Variants in ELF5 observed in about 807,000 individuals in gnomAD.
The protein encoded by ELF5 is ETS-related transcription factor Elf-5.
ELF5 carries 31 observed loss-of-function variants against 38.2 expected under a neutral mutation model. That is an observed-to-expected ratio of 0.81 (90% CI 0.61 to 1.10). ELF5 has a LOEUF of 1.10. ELF5 is among the 50% of genes least tolerant of loss of function. ELF5 has a pLI of 0.00. For missense variants in ELF5, 300 were observed against 306.6 expected (o/e 0.98, Z 0.16); for synonymous variants, 121 against 112.5 (o/e 1.08, Z -0.48).
At chr11:34,498,952 G>A (rs937945874) in intron 2 of ELF5, among the ~76,000 whole-genome samples, 8 of 152,204 alleles carry the variant, frequency 5.3e-5, no homozygotes, top group African/African-American at 7.2e-5. Context: ...ATTAGCGGGC[G>A]TGGTGGTGCA....
intron 2 of ELF5, among the ~76,000 whole-genome samples, chr11:34,496,217 C>A (rs1172613726): frequency 6.6e-6 from 1 of 152,256 alleles, no homozygotes; most frequent in African/African-American, 2.4e-5. Flanking sequence ...TGGCTCCCTG[C>A]TCCTCGGCGC....
At chr11:34,510,638 G>T (rs1393244868) in intron 1 of ELF5, among the ~76,000 whole-genome samples, 4 of 152,158 alleles carry the variant, frequency 2.6e-5, no homozygotes, top group Non-Finnish European at 5.9e-5. Context: ...CTCAAGGGGG[G>T]TGATATTGCC....
intron 1 of ELF5, among the ~76,000 whole-genome samples, chr11:34,507,642 C>T (rs1850641820): frequency 6.6e-6 from 1 of 152,218 alleles, no homozygotes; most frequent in South Asian, 2.1e-4. Flanking sequence ...TTCCCACATG[C>T]CACTCTCTAC....
intron 2 of ELF5, among the ~76,000 whole-genome samples, chr11:34,500,102 C>T (rs16930094): frequency 0.12 from 17,520 of 152,204 alleles, 1,091 homozygotes; most frequent in East Asian, 0.27. Context: ...CTCAGGGAAA[C>T]GGGGCCTTCC....
At chr11:34,482,585 T>C (rs1382162482) in intron 4 of ELF5, 86 bp from the exon 5 acceptor site, 10 of 1,064,710 alleles carry the variant, frequency 9.4e-6, no homozygotes, top group Admixed American at 5.4e-5. Context: ...CAAATACTAA[T>C]TGAATGCCTT....
At chr11:34,504,418 CGT>C (rs2133898822) in intron 2 of ELF5, among the ~76,000 whole-genome samples, 1 of 152,028 alleles carries the variant, frequency 6.6e-6, no homozygotes, top group East Asian at 1.9e-4. Context: ...TGTGTGCACG[CGT>C]GTGTGTATGT....
At chr11:34,482,766 C>A (rs1159192596) in intron 4 of ELF5, among the ~76,000 whole-genome samples, 1 of 152,030 alleles carries the variant, frequency 6.6e-6, no homozygotes, top group African/African-American at 2.4e-5. Context: ...TCCTAGGAGG[C>A]CATGGTAAGG....
At chr11:34,485,425 T>C (rs1849964057) in intron 4 of ELF5, among the ~76,000 whole-genome samples, 1 of 152,246 alleles carries the variant, frequency 6.6e-6, no homozygotes, top group Admixed American at 6.5e-5. Context: ...TTTAATCTTT[T>C]AGGAGAAGAG....
At chr11:34,481,694 G>C (rs1417630877) in intron 5 of ELF5, among the ~76,000 whole-genome samples, 1 of 152,148 alleles carries the variant, frequency 6.6e-6, no homozygotes, top group Non-Finnish European at 1.5e-5. Flanking sequence ...TGAAAGGCTG[G>C]TATTTCTCTT....
At chr11:34,484,437 G>A (rs1454155520) in intron 4 of ELF5, among the ~76,000 whole-genome samples, 2 of 146,744 alleles carry the variant, frequency 1.4e-5, no homozygotes, top group African/African-American at 5.1e-5. Flanking sequence ...ATACTGCACT[G>A]TACTGTAGTA....
At chr11:34,489,930 G>T in intron 4 of ELF5, 79 bp downstream of exon 4, 2 of 1,522,888 alleles carry the variant, frequency 1.3e-6, no homozygotes, top group Non-Finnish European at 1.8e-6. Flanking sequence ...TTTTCAGTAT[G>T]ATCCTAAAAG....
chr11:34,493,909 T>C (rs1174644311), intron 2 of ELF5, among the ~76,000 whole-genome samples, 197 bp from the exon 3 acceptor site: 2 of 152,066 alleles, frequency 1.3e-5, no homozygotes, highest in African/African-American at 4.8e-5. Context: ...ATCCTACAGA[T>C]GAACTTTGGC....
chr11:34,483,960 GTATAC>G (rs1427889450), intron 4 of ELF5, among the ~76,000 whole-genome samples: 10 of 151,454 alleles, frequency 6.6e-5, no homozygotes, highest in Admixed American at 2.6e-4. Context: ...TTACACTGTA[GTATAC>G]TATATTTACT....
chr11:34,511,589 T>C (rs771713950), intron 1 of ELF5: 5 of 1,614,174 alleles, frequency 3.1e-6, no homozygotes, highest in South Asian at 1.1e-5. Flanking sequence ...GGTCCCCAGA[T>C]GCCTCCAGTG....
intron 2 of ELF5, among the ~76,000 whole-genome samples, chr11:34,498,552 GT>G (rs1415879851): frequency 5.3e-5 from 8 of 152,292 alleles, no homozygotes; most frequent in Admixed American, 3.9e-4. Flanking sequence ...AGGCGAGTCT[GT>G]GTGACTTTGT....
chr11:34,510,888 G>A (rs1850736315), intron 1 of ELF5, among the ~76,000 whole-genome samples: 3 of 152,170 alleles, frequency 2.0e-5, no homozygotes, highest in Non-Finnish European at 4.4e-5. Flanking sequence ...GTACAGACAG[G>A]GATCTGCTGG....
chr11:34,499,608 G>A (rs1172979598), intron 2 of ELF5, among the ~76,000 whole-genome samples: 2 of 152,212 alleles, frequency 1.3e-5, no homozygotes, highest in Non-Finnish European at 2.9e-5. Context: ...TCTAAAAGAA[G>A]TTTGAGCTTA....
intron 2 of ELF5, among the ~76,000 whole-genome samples, chr11:34,500,515 G>A (rs796727113): frequency 8.5e-5 from 13 of 152,320 alleles, no homozygotes; most frequent in African/African-American, 3.1e-4. Flanking sequence ...AGAGAAAACA[G>A]GAGAAGGGCT....
intron 4 of ELF5, among the ~76,000 whole-genome samples, chr11:34,489,269 A>G (rs1026793410): frequency 3.8e-4 from 58 of 152,076 alleles, no homozygotes; most frequent in Admixed American, 1.4e-3. Flanking sequence ...ACCCATAAGA[A>G]CAGTCCCTCT....
Sources: gnomAD v4.1 joint callset for allele counts (sites outside exome capture counted in the v4.1 genomes callset) on GRCh38, gnomAD v4.1.1 for gene constraint, MANE v1.5 for transcripts, NCBI Gene and HGNC (gene_info 2026-07-23, HGNC 2026-07-21) for gene names.